NKAIN2: variants seen among roughly 807,000 people sequenced by gnomAD.
NKAIN2 encodes the protein sodium/potassium-transporting ATPase subunit beta-1-interacting protein 2.
Under a neutral mutation model 32.6 loss-of-function variants are expected in NKAIN2, and 14 were observed. The ratio of observed to expected loss-of-function variants is 0.43; its 90% CI spans 0.28 to 0.67. The LOEUF (loss-of-function observed/expected upper bound fraction) is 0.67, where lower values mean the gene tolerates loss of function less well. Among genes scored for constraint, NKAIN2 ranks in the 30% least tolerant of loss-of-function variants. The pLI, the probability that NKAIN2 is intolerant of heterozygous loss-of-function variation, is 0.17. For synonymous variants in NKAIN2, 80 were observed against 87.2 expected (o/e 0.92, Z 0.46); for missense variants, 198 against 258.3 (o/e 0.77, Z 1.60).
At chr6:124,432,796 T>C (rs1404668037) in intron 3 of NKAIN2, among the ~76,000 whole-genome samples, 3 of 152,028 alleles carry the variant, frequency 2.0e-5, no homozygotes, top group Non-Finnish European at 2.9e-5. Flanking sequence ...AGATTTGGCT[T>C]CACAGTCACC....
intron 1 of NKAIN2, among the ~76,000 whole-genome samples, chr6:124,125,977 C>T (rs555578994): frequency 6.6e-6 from 1 of 152,184 alleles, no homozygotes; most frequent in South Asian, 2.1e-4. Context: ...TCATCACCCT[C>T]TTCACCACTA....
At chr6:124,520,522 C>T (rs141907806) in intron 3 of NKAIN2, among the ~76,000 whole-genome samples, 4 of 152,200 alleles carry the variant, frequency 2.6e-5, no homozygotes, top group East Asian at 1.9e-4. Flanking sequence ...TCAACATTAA[C>T]GACTAGTTTC....
chr6:124,124,459 A>G (rs1181614114), intron 1 of NKAIN2, among the ~76,000 whole-genome samples: 1 of 152,162 alleles, frequency 6.6e-6, no homozygotes, highest in Non-Finnish European at 1.5e-5. Context: ...TGTTATGAAT[A>G]ATAGTCCTGC....
intron 1 of NKAIN2, among the ~76,000 whole-genome samples, chr6:124,223,635 G>C (rs1419781513): frequency 6.6e-6 from 1 of 152,188 alleles, no homozygotes; most frequent in Admixed American, 6.5e-5. Flanking sequence ...ATTTTTGCCA[G>C]TTTGAAGATT....
chr6:124,336,313 G>T (rs2115065786), intron 2 of NKAIN2, among the ~76,000 whole-genome samples: 1 of 152,206 alleles, frequency 6.6e-6, no homozygotes, highest in Admixed American at 6.5e-5. Context: ...TTTTGCCAGT[G>T]GTTTAATTTG....
intron 1 of NKAIN2, among the ~76,000 whole-genome samples, chr6:123,837,560 A>G (rs766403503): frequency 6.6e-6 from 1 of 152,152 alleles, no homozygotes; most frequent in Non-Finnish European, 1.5e-5. Context: ...CCCTTTTGTA[A>G]CTGTTTGATT....
chr6:124,315,219 G>A (rs1796897047), intron 2 of NKAIN2, among the ~76,000 whole-genome samples: 1 of 151,938 alleles, frequency 6.6e-6, no homozygotes, highest in Non-Finnish European at 1.5e-5. Context: ...AACAAGTCTT[G>A]CATCTTGGGT....
At chr6:124,325,423 T>A (rs1170817386) in intron 2 of NKAIN2, among the ~76,000 whole-genome samples, 1 of 151,976 alleles carries the variant, frequency 6.6e-6, no homozygotes, top group Non-Finnish European at 1.5e-5. Flanking sequence ...AAAAAACATG[T>A]CCACAGAAAG....
chr6:124,765,356 G>A (rs1341407175), intron 4 of NKAIN2, among the ~76,000 whole-genome samples: 1 of 152,170 alleles, frequency 6.6e-6, no homozygotes, highest in Non-Finnish European at 1.5e-5. Context: ...TGATTTCACT[G>A]CATTTACAGA....
intron 1 of NKAIN2, among the ~76,000 whole-genome samples, chr6:124,229,493 T>TAGATGGAC (rs1554269593): frequency 9.3e-6 from 1 of 107,436 alleles, no homozygotes; most frequent in Non-Finnish European, 2.2e-5. Flanking sequence ...GATAGATAGA[T>TAGATGGAC]AGATAGACAG....
At chr6:123,928,098 G>T (rs1776088170) in intron 1 of NKAIN2, among the ~76,000 whole-genome samples, 1 of 152,158 alleles carries the variant, frequency 6.6e-6, no homozygotes, top group African/African-American at 2.4e-5. Flanking sequence ...TCCTGTAGTG[G>T]AAACATAAAT....
chr6:124,030,838 G>T (rs370501652), intron 1 of NKAIN2, among the ~76,000 whole-genome samples: 1 of 152,156 alleles, frequency 6.6e-6, no homozygotes, highest in African/African-American at 2.4e-5. Context: ...AACACTGCTA[G>T]TACCCAAGAT....
intron 5 of NKAIN2, among the ~76,000 whole-genome samples, chr6:124,806,787 G>T (rs6928785): frequency 0.077 from 11,657 of 151,772 alleles, 685 homozygotes; most frequent in African/African-American, 0.15. Flanking sequence ...TAAAAGGATG[G>T]AGGAAGATCT....
chr6:123,903,332 G>T (rs1474865576), intron 1 of NKAIN2, among the ~76,000 whole-genome samples: 1 of 151,960 alleles, frequency 6.6e-6, no homozygotes, highest in African/African-American at 2.4e-5. Flanking sequence ...AGTGCTTCTT[G>T]GTTTTAAATT....
intron 1 of NKAIN2, among the ~76,000 whole-genome samples, chr6:123,943,011 A>G (rs1176449015): frequency 1.3e-5 from 2 of 152,034 alleles, no homozygotes; most frequent in Non-Finnish European, 2.9e-5. Flanking sequence ...ATATTATTCA[A>G]TCCCATGTGC....
intron 3 of NKAIN2, among the ~76,000 whole-genome samples, chr6:124,529,488 A>C (rs572268583): frequency 6.6e-6 from 1 of 152,172 alleles, no homozygotes; most frequent in Non-Finnish European, 1.5e-5. Flanking sequence ...CTAGAGTTAT[A>C]TTTCATTTCC....
intron 3 of NKAIN2, among the ~76,000 whole-genome samples, chr6:124,387,497 A>G (rs779641723): frequency 2.0e-5 from 3 of 152,118 alleles, no homozygotes; most frequent in Non-Finnish European, 4.4e-5. Flanking sequence ...CCTCTTATCT[A>G]TCATTTTATG....
intron 1 of NKAIN2, among the ~76,000 whole-genome samples, chr6:123,886,402 T>C (rs6908202): frequency 0.16 from 23,695 of 152,030 alleles, 1,995 homozygotes; most frequent in Non-Finnish European, 0.18. Context: ...ACCCAGTACA[T>C]AGTGTTAAAT....
At chr6:124,438,707 C>T (rs529060430) in intron 3 of NKAIN2, among the ~76,000 whole-genome samples, 2 of 152,182 alleles carry the variant, frequency 1.3e-5, no homozygotes, top group South Asian at 4.2e-4. Context: ...ATGATATTAC[C>T]AATGGCCTCC....
Sources: allele counts gnomAD v4.1 joint callset (sites outside exome capture counted in the v4.1 genomes callset), GRCh38; gene constraint gnomAD v4.1.1; transcripts MANE v1.5; gene names NCBI Gene and HGNC (gene_info 2026-07-23, HGNC 2026-07-21).